DISC1: variants seen among roughly 807,000 people sequenced by gnomAD.
The protein encoded by DISC1 is disrupted in schizophrenia 1 protein.
A neutral mutation model predicts 84.5 loss-of-function variants in DISC1; 57 were observed. The observed-to-expected ratio is 0.67, with a 90% CI of 0.55 to 0.84. DISC1 has a LOEUF of 0.84. DISC1 is among the 40% of genes least tolerant of loss of function. DISC1 has a pLI of 0.00. For synonymous variants in DISC1, 411 were observed against 415.2 expected (o/e 0.99, Z 0.12); for missense variants, 1,000 against 1,057.8 (o/e 0.95, Z 0.76).
rs775786666 is a variant in DISC1 at position 231,800,184 on chromosome 1, T to C, written c.1766T>C (p.Leu589Pro). The change falls in exon 8 of 13, where the codon CTT (leucine) becomes CCT (proline). Residue 589 changes from leucine to proline, a missense_variant. Leu to Pro is a moderately conservative substitution (Grantham distance 98). This residue lies in a region of DISC1 where 397 missense variants were observed against 377.5 expected (regional missense o/e 1.05). Transcript: ENST00000439617. Reference protein sequence around the residue: ...NDIETQLPALLEAKMHAISGN... With the variant: ...NDIETQLPALPEAKMHAISGN... ...ATTGAAACCCAACTACCAGCCTTGC[T>C]TGAAGCCAAAATGCATGCCATATCA... The C allele has an allele frequency of 5.0e-6, 8 of 1,612,168 alleles. No homozygotes were observed. The South Asian group carries it at 8.8e-5, about 18-fold the overall frequency.
intron 9 of DISC1, among the ~76,000 whole-genome samples, chr1:231,864,703 G>A (rs934725830): frequency 4.6e-5 from 7 of 151,952 alleles, no homozygotes; most frequent in Admixed American, 1.3e-4. Flanking sequence ...AATCTGAGGA[G>A]GTGGACACCA....
intron 9 of DISC1, among the ~76,000 whole-genome samples, chr1:231,910,828 C>G (rs192283726): frequency 0.016 from 2,454 of 152,208 alleles, 29 homozygotes; most frequent in Non-Finnish European, 0.024. Context: ...TTGTAGGTCT[C>G]TAAGGACTTG....
chr1:231,996,164 C>G (rs1665922990), intron 10 of DISC1, among the ~76,000 whole-genome samples: 2 of 152,140 alleles, frequency 1.3e-5, no homozygotes, highest in Non-Finnish European at 2.9e-5. Context: ...TGTTCATATC[C>G]TTCGTCCACT....
chr1:231,713,640 GT>G (rs1573130224), intron 3 of DISC1, among the ~76,000 whole-genome samples: 1 of 146,330 alleles, frequency 6.8e-6, no homozygotes, highest in East Asian at 2.0e-4. Flanking sequence ...ACGAAGAGAA[GT>G]AAAGAGAACT....
chr1:231,892,220 G>C (rs1571861955), intron 9 of DISC1, among the ~76,000 whole-genome samples: 1 of 152,206 alleles, frequency 6.6e-6, no homozygotes, highest in East Asian at 1.9e-4. Flanking sequence ...AGAAGAAGCA[G>C]TATATGATTC....
At chr1:231,730,454 T>C (rs1298315548) in intron 3 of DISC1, among the ~76,000 whole-genome samples, 1 of 152,336 alleles carries the variant, frequency 6.6e-6, no homozygotes, top group African/African-American at 2.4e-5. Context: ...ATTCAGGGGA[T>C]ACATGTTGTG....
At chr1:231,788,264 G>A (rs1558546476) in intron 6 of DISC1, among the ~76,000 whole-genome samples, 1 of 152,128 alleles carries the variant, frequency 6.6e-6, no homozygotes. Context: ...CAGCCTGGGT[G>A]ACAGAGTGAG....
intron 3 of DISC1, among the ~76,000 whole-genome samples, chr1:231,747,890 T>G (rs1487817115): frequency 6.6e-6 from 1 of 152,192 alleles, no homozygotes; most frequent in Non-Finnish European, 1.5e-5. Context: ...TTCATTTGTT[T>G]GTATCCTCTT....
At chr1:231,953,501 G>A (rs567989244) in intron 9 of DISC1, among the ~76,000 whole-genome samples, 61 of 152,180 alleles carry the variant, frequency 4.0e-4, no homozygotes, top group African/African-American at 1.3e-3. Context: ...TTAATTATCC[G>A]AACAAAGGTT....
chr1:231,958,862 G>A lies in DISC1; in HGVS notation c.2016G>A (p.Met672Ile). ...TSVKENTMKY[M>I]ETLKNKLCSC... ...TGAAGGAAAATACTATGAAGTACATGGAAACACTTAAGAATAAACTGTGCA... is the reference window on the plus strand; with the variant it reads ...TGAAGGAAAATACTATGAAGTACATAGAAACACTTAAGAATAAACTGTGCA... Residue 672 changes from methionine to isoleucine, a missense_variant, in exon 10 of 13, where the codon ATG (methionine) becomes ATA (isoleucine). This residue lies in a region of DISC1 where 397 missense variants were observed against 377.5 expected (regional missense o/e 1.05). Coordinates refer to ENST00000439617, the MANE Select transcript of DISC1 (RefSeq NM_018662.3). 1.2e-6 allele frequency: 2 copies of A among 1,613,666 alleles called. No individual in the cohort carries two copies. The highest frequency in any genetic ancestry group is 1.1e-5 in the South Asian group (1 of 90,966).
At chr1:231,831,800 A>G (rs970258179) in intron 9 of DISC1, among the ~76,000 whole-genome samples, 2 of 151,366 alleles carry the variant, frequency 1.3e-5, no homozygotes, top group Admixed American at 1.3e-4. Context: ...TCCTTTTGCA[A>G]GAGTGAGGGC....
chr1:231,722,415 C>T, intron 3 of DISC1: 1 of 1,481,722 alleles, frequency 6.7e-7, no homozygotes, highest in Non-Finnish European at 9.2e-7. Flanking sequence ...GATCTTTCTA[C>T]TTATCCACAC....
chr1:231,725,251 G>C (rs529066363), intron 3 of DISC1, among the ~76,000 whole-genome samples: 1 of 152,292 alleles, frequency 6.6e-6, no homozygotes, highest in African/African-American at 2.4e-5. Context: ...ATGGTGGTGA[G>C]GTAGGAAACT....
intron 8 of DISC1, among the ~76,000 whole-genome samples, chr1:231,817,832 C>T (rs1481631728): frequency 6.6e-6 from 1 of 152,142 alleles, no homozygotes; most frequent in Non-Finnish European, 1.5e-5. Flanking sequence ...GGTGTTATTG[C>T]AATTATATTT....
At chr1:231,935,946 C>T (rs2090957436) in intron 9 of DISC1, among the ~76,000 whole-genome samples, 1 of 152,218 alleles carries the variant, frequency 6.6e-6, no homozygotes, top group Non-Finnish European at 1.5e-5. Flanking sequence ...GCGTCCTCCT[C>T]TCTAGCACCT....
At chr1:231,931,403 C>A (rs199526546) in intron 9 of DISC1, among the ~76,000 whole-genome samples, 3 of 152,038 alleles carry the variant, frequency 2.0e-5, no homozygotes, top group Non-Finnish European at 4.4e-5. Context: ...CGGGAGATGC[C>A]CTAGGGACTT....
chr1:231,959,038 G>A (rs1660023525), intron 10 of DISC1, 150 bp downstream of exon 10: 4 of 1,425,226 alleles, frequency 2.8e-6, no homozygotes, highest in South Asian at 3.2e-5. Flanking sequence ...AACCCCATCA[G>A]TGAAAGAGCA....
At chr1:231,769,692 G>A (rs1005987490) in intron 5 of DISC1, among the ~76,000 whole-genome samples, 4 of 152,172 alleles carry the variant, frequency 2.6e-5, no homozygotes, top group Non-Finnish European at 4.4e-5. Context: ...GGATGGCAGT[G>A]ATGGTTGTAC....
intron 10 of DISC1, among the ~76,000 whole-genome samples, chr1:231,967,487 G>A (rs201780844): frequency 5.3e-5 from 8 of 152,140 alleles, no homozygotes; most frequent in Non-Finnish European, 1.0e-4. Flanking sequence ...AAATATTGGA[G>A]TTTCATAATT....
Sources: gnomAD v4.1 joint callset for allele counts (sites outside exome capture counted in the v4.1 genomes callset) on GRCh38, gnomAD v4.1.1 for gene constraint, gnomAD v4.1.1 regional missense constraint, MANE v1.5 for transcripts, NCBI Gene and HGNC (gene_info 2026-07-23, HGNC 2026-07-21) for gene names.